The following TMEM132D variants were observed in gnomAD, a reference collection of about 807,000 sequenced individuals.
TMEM132D encodes the protein mature OL transmembrane protein.
In TMEM132D, 21 loss-of-function variants were observed where a neutral mutation model predicts 62.3. The ratio of observed to expected loss-of-function variants is 0.34; its 90% confidence interval spans 0.24 to 0.49. TMEM132D has a LOEUF of 0.49. TMEM132D is among the 20% of genes least tolerant of loss of function. The probability of loss-of-function intolerance (pLI) is 0.99; values close to 1 mark genes in which losing one functional copy is unlikely to be tolerated. For synonymous variants in TMEM132D, 621 were observed against 575.6 expected (o/e 1.08, Z -1.13); for missense variants, 1,346 against 1,402.8 (o/e 0.96, Z 0.65).
intron 4 of TMEM132D, among the ~76,000 whole-genome samples, chr12:129,328,893 G>C (rs1482027545): frequency 6.6e-6 from 1 of 151,672 alleles, no homozygotes; most frequent in South Asian, 2.1e-4. Context: ...ACTCTGTGTG[G>C]CCTCATCCAT....
At chr12:129,543,428 C>A (rs1253548734) in intron 2 of TMEM132D, among the ~76,000 whole-genome samples, 1 of 151,928 alleles carries the variant, frequency 6.6e-6, no homozygotes, top group Non-Finnish European at 1.5e-5. Flanking sequence ...ATAGATATTC[C>A]TCAACTTATG....
intron 2 of TMEM132D, among the ~76,000 whole-genome samples, chr12:129,541,704 G>A (rs1394029092): frequency 2.0e-5 from 3 of 152,126 alleles, no homozygotes; most frequent in African/African-American, 4.8e-5. Context: ...CTCCCATCAT[G>A]GGGTCATCAA....
chr12:129,499,630 C>T (rs1054970773), intron 3 of TMEM132D, among the ~76,000 whole-genome samples: 1 of 152,170 alleles, frequency 6.6e-6, no homozygotes, highest in East Asian at 1.9e-4. Flanking sequence ...GGGCATCTTC[C>T]ACAGGCTGGT....
At chr12:129,747,209 C>CCCTCCTCCCTCTCCTTCTTA (rs1555229160) in intron 1 of TMEM132D, among the ~76,000 whole-genome samples, 1 of 29,504 alleles carries the variant, frequency 3.4e-5, no homozygotes, top group Non-Finnish European at 9.5e-5. Context: ...CCTTCTTACT[C>CCCTCCTCCCTCTCCTTCTTA]CTCCTTCCAG....
chr12:129,896,592 G>C (rs1213990112), intron 1 of TMEM132D, among the ~76,000 whole-genome samples: 3 of 152,052 alleles, frequency 2.0e-5, no homozygotes. Flanking sequence ...ATCTGCAGAG[G>C]GAGATTCCCA....
At position 129,648,309 on chromosome 12, in the gene TMEM132D, C is replaced by T. The variant is rs187065390; in HGVS notation, c.968+51501G>A. Among the ~76,000 whole-genome samples, 20 of 152,242 alleles carry T rather than the reference C, an allele frequency of 1.3e-4. 1 individual carries two copies. The East Asian group carries it at 2.7e-3, about 21-fold the overall frequency. ...TCAGTGCAGGAGGACAGCTTTGACT[C>T]CCCATGATTTCATCCCGACGTAACC... On this transcript the variant is annotated intron_variant, in intron 2 of 8. Coordinates refer to ENST00000422113, the MANE Select transcript of TMEM132D (RefSeq NM_133448.3).
intron 1 of TMEM132D, among the ~76,000 whole-genome samples, chr12:129,720,281 T>C (rs554852867): frequency 6.6e-6 from 1 of 152,160 alleles, no homozygotes; most frequent in Non-Finnish European, 1.5e-5. Context: ...ACACTCTACC[T>C]TTCAGTCATT....
chr12:129,640,061 C>T (rs73157284), intron 2 of TMEM132D, among the ~76,000 whole-genome samples: 15 of 552 alleles, frequency 0.027, no homozygotes, highest in East Asian at 0.26. Flanking sequence ...CACACACATA[C>T]ACACACACAC....
At chr12:129,696,754 G>T (rs897714454) in intron 2 of TMEM132D, among the ~76,000 whole-genome samples, 1 of 152,240 alleles carries the variant, frequency 6.6e-6, no homozygotes, top group African/African-American at 2.4e-5. Flanking sequence ...GTGGCTAGAA[G>T]AATATAGAAG....
intron 4 of TMEM132D, among the ~76,000 whole-genome samples, chr12:129,288,461 T>A (rs889914304): frequency 6.6e-6 from 1 of 152,202 alleles, no homozygotes; most frequent in Non-Finnish European, 1.5e-5. Flanking sequence ...TAGACATTTC[T>A]CCAAAGAAGA....
chr12:129,380,415 A>G (rs1319110514), intron 3 of TMEM132D, among the ~76,000 whole-genome samples: 2 of 152,318 alleles, frequency 1.3e-5, no homozygotes, highest in African/African-American at 4.8e-5. Context: ...CACGTAAGAA[A>G]TATTAGAAAA....
intron 2 of TMEM132D, among the ~76,000 whole-genome samples, chr12:129,607,522 T>C (rs183513294): frequency 6.6e-6 from 1 of 152,276 alleles, no homozygotes; most frequent in African/African-American, 2.4e-5. Flanking sequence ...ATTTTTAGCA[T>C]AGACTATCTG....
chr12:129,687,430 C>A (rs937474415), intron 2 of TMEM132D, among the ~76,000 whole-genome samples: 2 of 151,670 alleles, frequency 1.3e-5, no homozygotes, highest in African/African-American at 4.8e-5. Flanking sequence ...CCTGAGAGCT[C>A]CCGGAATTAT....
intron 5 of TMEM132D, among the ~76,000 whole-genome samples, chr12:129,116,597 C>T (rs1342850868): frequency 6.6e-6 from 1 of 151,944 alleles, no homozygotes; most frequent in Non-Finnish European, 1.5e-5. Flanking sequence ...AGACATCTTA[C>T]CAAAGAATAT....
chr12:129,448,621 C>T (rs911386640), intron 3 of TMEM132D, among the ~76,000 whole-genome samples: 3 of 152,112 alleles, frequency 2.0e-5, no homozygotes, highest in Non-Finnish European at 2.9e-5. Context: ...TTTATCCAGT[C>T]GGTCATTGGT....
intron 3 of TMEM132D, among the ~76,000 whole-genome samples, chr12:129,361,269 T>C (rs1189459924): frequency 6.6e-6 from 1 of 152,170 alleles, no homozygotes; most frequent in East Asian, 1.9e-4. Flanking sequence ...TCATGGTGTA[T>C]AGATATGAGA....
chr12:129,282,381 C>T (rs949084748), intron 4 of TMEM132D, among the ~76,000 whole-genome samples: 3 of 152,122 alleles, frequency 2.0e-5, no homozygotes, highest in East Asian at 3.9e-4. Context: ...AAAATATCTG[C>T]ATGAAAGTGA....
chr12:129,887,386 G>C (rs1874783106), intron 1 of TMEM132D, among the ~76,000 whole-genome samples: 1 of 152,144 alleles, frequency 6.6e-6, no homozygotes, highest in Admixed American at 6.5e-5. Flanking sequence ...TCACAGTGCA[G>C]CCACATTAAA....
intron 4 of TMEM132D, among the ~76,000 whole-genome samples, chr12:129,236,193 TTTTC>T (rs1172380168): frequency 3.3e-5 from 5 of 151,320 alleles, no homozygotes; most frequent in African/African-American, 7.3e-5. Flanking sequence ...TAATGGAATG[TTTTC>T]TTTCTTTCTT....
Sources: allele counts gnomAD v4.1 joint callset (sites outside exome capture counted in the v4.1 genomes callset), GRCh38; gene constraint gnomAD v4.1.1; transcripts MANE v1.5; gene names NCBI Gene and HGNC (gene_info 2026-07-23, HGNC 2026-07-21).